CDK14: variants seen among roughly 807,000 people sequenced by gnomAD.
The protein encoded by CDK14 is cyclin dependent kinase 14.
CDK14 carries 34 observed loss-of-function variants against 60.7 expected under a neutral mutation model. The observed-to-expected ratio is 0.56, with a 90% CI of 0.43 to 0.75. CDK14 has a LOEUF of 0.75. Ranked by LOEUF, CDK14 falls within the 30% of genes least tolerant of loss-of-function variation. The probability of loss-of-function intolerance (pLI) is 0.00; values close to 1 mark genes in which losing one functional copy is unlikely to be tolerated. For missense variants in CDK14, 482 were observed against 564.1 expected (o/e 0.85, Z 1.47); for synonymous variants, 197 against 203.7 (o/e 0.97, Z 0.28).
intron 2 of CDK14, among the ~76,000 whole-genome samples, chr7:90,623,533 T>G (rs539679178): frequency 6.6e-6 from 1 of 152,266 alleles, no homozygotes; most frequent in East Asian, 1.9e-4. Context: ...TTCTGAATAT[T>G]AGATTTTAAG....
rs141296182 is a variant in CDK14 at position 90,895,684 on chromosome 7, C to T, written c.640-3607C>T. Among the ~76,000 whole-genome samples, 107 of 147,598 alleles carry T rather than the reference C, an allele frequency of 7.2e-4. 1 individual carries two copies. The East Asian group carries it at 0.017, about 23-fold the overall frequency. The stretch of plus-strand genomic sequence containing the variant: ...CAAGCAATTCTCCTGCCTCAGCTTC[C>T]CGAGTAGCTGGGATTGCATGCACTT... On this transcript the variant is annotated intron_variant, in intron 6 of 14. Coordinates refer to ENST00000380050, the MANE Select transcript of CDK14 (RefSeq NM_001287135.2).
At chr7:91,061,432 G>A (rs554549208) in intron 11 of CDK14, among the ~76,000 whole-genome samples, 20 of 152,314 alleles carry the variant, frequency 1.3e-4, no homozygotes, top group African/African-American at 2.2e-4. Context: ...GCTTTGTTCC[G>A]TTGCTGGTGA....
At chr7:91,190,499 T>A (rs1293473362) in intron 14 of CDK14, among the ~76,000 whole-genome samples, 1 of 152,204 alleles carries the variant, frequency 6.6e-6, no homozygotes, top group African/African-American at 2.4e-5. Flanking sequence ...TTTGTCTGTT[T>A]TGTTTTTGAA....
At chr7:90,816,886 A>T (rs1789376391) in intron 5 of CDK14, among the ~76,000 whole-genome samples, 3 of 152,172 alleles carry the variant, frequency 2.0e-5, no homozygotes, top group Admixed American at 1.3e-4. Context: ...ATTTTACAAG[A>T]GAACAAGTGA....
At chr7:90,921,220 T>C (rs1197795803) in intron 8 of CDK14, among the ~76,000 whole-genome samples, 1 of 152,214 alleles carries the variant, frequency 6.6e-6, no homozygotes, top group Non-Finnish European at 1.5e-5. Context: ...TATACTGTGG[T>C]GCAGCCAAAT....
chr7:90,983,206 A>G lies in CDK14; in HGVS notation c.948-942A>G, dbSNP rs543890366. Among the ~76,000 whole-genome samples, 3 of 152,338 alleles carry G rather than the reference A, an allele frequency of 2.0e-5. No homozygotes were observed. In the East Asian group the frequency reaches 5.8e-4, roughly 29 times the overall value. On this transcript the variant is annotated intron_variant, in intron 9 of 14. Transcript: ENST00000380050. Reference sequence around the variant, plus strand: ...CAACCCAGCAATCTCATAACTGGGTATATATCTGAAAGAAAACAAATCATT... The same window carrying G: ...CAACCCAGCAATCTCATAACTGGGTGTATATCTGAAAGAAAACAAATCATT...
intron 10 of CDK14, among the ~76,000 whole-genome samples, chr7:90,998,036 A>G (rs1468387460): frequency 1.3e-5 from 2 of 152,220 alleles, no homozygotes; most frequent in African/African-American, 4.8e-5. Context: ...TATACCAAAA[A>G]TCTTTTTTAG....
At chr7:91,125,557 AACAC>A (rs1799915673) in intron 14 of CDK14, among the ~76,000 whole-genome samples, 1 of 152,000 alleles carries the variant, frequency 6.6e-6, no homozygotes, top group South Asian at 2.1e-4. Flanking sequence ...CACATACACA[AACAC>A]ACACCATTCA....
intron 1 of CDK14, among the ~76,000 whole-genome samples, chr7:90,600,361 A>G (rs927563635): frequency 1.1e-4 from 17 of 152,180 alleles, no homozygotes; most frequent in Admixed American, 5.2e-4. Context: ...AGAAGGAGAA[A>G]GGCTTTATGT....
intron 9 of CDK14, among the ~76,000 whole-genome samples, chr7:90,958,349 A>G (rs1056180434): frequency 1.3e-5 from 2 of 152,208 alleles, no homozygotes; most frequent in African/African-American, 4.8e-5. Context: ...AAAGCTTTCT[A>G]GTAGAGCTAC....
chr7:91,164,602 G>T (rs1801285372), intron 14 of CDK14, among the ~76,000 whole-genome samples: 1 of 152,286 alleles, frequency 6.6e-6, no homozygotes, highest in East Asian at 1.9e-4. Flanking sequence ...GGAAGATTTG[G>T]CTATGTTGCA....
chr7:90,692,299 C>G (rs1161599124), intron 2 of CDK14, among the ~76,000 whole-genome samples: 1 of 152,102 alleles, frequency 6.6e-6, no homozygotes, highest in Non-Finnish European at 1.5e-5. Context: ...TATTCCATTA[C>G]ATTTCTATAT....
intron 10 of CDK14, among the ~76,000 whole-genome samples, chr7:91,017,801 GCA>G (rs1383937656): frequency 6.6e-5 from 10 of 152,170 alleles, no homozygotes; most frequent in African/African-American, 2.2e-4. Flanking sequence ...GTGAATCTGT[GCA>G]CAGAGATAAC....
chr7:90,657,324 T>C lies in CDK14; in HGVS notation c.123+53075T>C, dbSNP rs189232842. Among the ~76,000 whole-genome samples, 7 of 152,328 alleles carry C rather than the reference T, an allele frequency of 4.6e-5. No individual in the cohort carries two copies. The East Asian group carries it at 1.3e-3, about 29-fold the overall frequency. ...GCTTGAAATATATTTTACAAATATT[T>C]TCAGTGGACATTCATCAACTTAGTT... is the stretch of plus-strand genomic sequence containing the variant. On this transcript the variant is annotated intron_variant, in intron 2 of 14. Coordinates refer to ENST00000380050, the MANE Select transcript of CDK14 (RefSeq NM_001287135.2).
intron 14 of CDK14, among the ~76,000 whole-genome samples, chr7:91,155,512 T>A (rs548101826): frequency 6.6e-6 from 1 of 152,250 alleles, no homozygotes; most frequent in Non-Finnish European, 1.5e-5. Context: ...ATTCTTTTTA[T>A]TCCATTAGCC....
At chr7:91,089,805 C>G (rs1341091298) in intron 12 of CDK14, among the ~76,000 whole-genome samples, 1 of 152,102 alleles carries the variant, frequency 6.6e-6, no homozygotes, top group Non-Finnish European at 1.5e-5. Flanking sequence ...AGGCTCCATG[C>G]CTTTGCCACC....
At chr7:91,079,920 A>G (rs1255988502) in intron 12 of CDK14, among the ~76,000 whole-genome samples, 1 of 152,180 alleles carries the variant, frequency 6.6e-6, no homozygotes, top group African/African-American at 2.4e-5. Flanking sequence ...AGCTAAATGC[A>G]TTTATGACTG....
In CDK14 at chr7:90,596,578, G is replaced by T; in HGVS notation, c.-50G>T. 1 of 1,515,346 alleles carries T rather than the reference G, an allele frequency of 6.6e-7. No homozygotes were observed. The highest frequency in any genetic ancestry group is 2.3e-5 in the East Asian group (1 of 44,156). The allele number at this position is 1,515,346 out of a possible 1,614,324, so 93.9% of individuals were successfully genotyped here. A position where few individuals can be genotyped will look rare whatever the true frequency, so the allele number is the denominator to read the frequency against. ...GGCGCGCGCCCTCGCCGTTGTCTGA[G>T]CTGTGCCTGGACCAGTTTGGGGAAG... On this transcript the variant is annotated 5_prime_UTR_variant, in exon 1 of 15. Transcript: ENST00000380050.
chr7:90,700,273 T>C (rs1801753430), intron 2 of CDK14, among the ~76,000 whole-genome samples: 1 of 152,170 alleles, frequency 6.6e-6, no homozygotes, highest in Non-Finnish European at 1.5e-5. Flanking sequence ...TTTGTATTTT[T>C]AGTAGAGACG....
Sources: gnomAD v4.1 joint callset for allele counts (sites outside exome capture counted in the v4.1 genomes callset) on GRCh38, gnomAD v4.1.1 for gene constraint, MANE v1.5 for transcripts, NCBI Gene and HGNC (gene_info 2026-07-23, HGNC 2026-07-21) for gene names.